The following AQP9 variants were observed in gnomAD, a reference collection of about 807,000 sequenced individuals.
AQP9 encodes aquaporin-9.
Under a neutral mutation model 23.8 loss-of-function variants are expected in AQP9, and 19 were observed. The ratio of observed to expected loss-of-function variants is 0.80; its 90% CI spans 0.56 to 1.17. AQP9 has a LOEUF of 1.17. Ranked by LOEUF, AQP9 falls within the 50% of genes most tolerant of loss-of-function variation. AQP9 has a pLI of 0.00. For synonymous variants in AQP9, 153 were observed against 131.5 expected (o/e 1.16, Z -1.12); for missense variants, 413 against 362.0 (o/e 1.14, Z -1.14).
intron 1 of AQP9, among the ~76,000 whole-genome samples, chr15:58,161,074 T>G (rs1215219127): frequency 1.3e-5 from 2 of 152,102 alleles, no homozygotes; most frequent in African/African-American, 4.8e-5. Context: ...GGCTGACATT[T>G]CCTGAGCAAT....
At chr15:58,177,233 A>G (rs1898778454) in intron 4 of AQP9, among the ~76,000 whole-genome samples, 1 of 152,208 alleles carries the variant, frequency 6.6e-6, no homozygotes, top group African/African-American at 2.4e-5. Flanking sequence ...TTTAGTTAAT[A>G]ATCAATCATT....
At chr15:58,146,297 T>C (rs958962150) in intron 1 of AQP9, among the ~76,000 whole-genome samples, 7 of 152,156 alleles carry the variant, frequency 4.6e-5, no homozygotes, top group Non-Finnish European at 7.4e-5. Flanking sequence ...TCTTCTCTTA[T>C]TCTCTTAATC....
At chr15:58,155,314 C>T (rs1898227207) in intron 1 of AQP9, 1 of 152,128 alleles carries the variant, frequency 6.6e-6, no homozygotes, top group Admixed American at 6.5e-5. Flanking sequence ...TGGTATTATC[C>T]TGCTACTCAC....
At chr15:58,142,937 G>C (rs865986164) in intron 1 of AQP9, among the ~76,000 whole-genome samples, 12 of 152,230 alleles carry the variant, frequency 7.9e-5, no homozygotes, top group Middle Eastern at 3.4e-3. Flanking sequence ...CTGCCTGTGG[G>C]TGGTTTGTCT....
At chr15:58,141,644 C>T (rs879534043) in intron 1 of AQP9, among the ~76,000 whole-genome samples, 2 of 152,162 alleles carry the variant, frequency 1.3e-5, no homozygotes, top group Admixed American at 1.3e-4. Flanking sequence ...TGAGAAATTT[C>T]AGACACTGCA....
At chr15:58,150,352 T>C (rs1267294692) in intron 1 of AQP9, 1 of 152,668 alleles carries the variant, frequency 6.6e-6, no homozygotes, top group African/African-American at 2.4e-5. Flanking sequence ...CTATCTCTGA[T>C]GGAATTTATG....
In AQP9 at chr15:58,166,758, T is replaced by C; in HGVS notation, c.197T>C (p.Met66Thr). ...GVITINVGFS[M>T]AVAMAIYVAG... ...ATCACTATCAATGTTGGATTTTCAA[T>C]GGCAGTTGCAATGGCCATTTATGTG... Residue 66 changes from methionine (M) to threonine (T), a missense_variant, in exon 2 of 6, where the codon ATG (methionine) becomes ACG (threonine). By Grantham distance (81) the Met-to-Thr change is moderately conservative. Transcript: ENST00000219919. 3.1e-6 allele frequency: 5 copies of C among 1,614,040 alleles called. No individual in the cohort carries two copies. Among genetic ancestry groups the C allele is most frequent in the Non-Finnish European group, 4.2e-6 (5 of 1,179,890 alleles).
In AQP9 at chr15:58,179,309, T is replaced by A. The variant is rs374702384; in HGVS notation, c.677T>A (p.Phe226Tyr). The change falls in exon 5 of 6, where the codon TTC becomes TAC. Residue 226 changes from phenylalanine (F) to tyrosine (Y), a missense_variant. Coordinates refer to ENST00000219919, the MANE Select transcript of AQP9 (RefSeq NM_020980.5). ...NPARDLSPRLFTALAGWGFEV... is the reference protein window; with the variant it reads ...NPARDLSPRLYTALAGWGFEV... ...GCTCGAGACCTGAGTCCCAGACTTT[T>A]CACTGCCTTGGCAGGCTGGGGGTTT... 1.2e-6 allele frequency: 2 copies of A among 1,614,010 alleles called. No individual in the cohort carries two copies. The highest frequency in any genetic ancestry group is 2.2e-5 in the South Asian group (2 of 91,060).
chr15:58,182,513 G>T (rs1262508017), intron 5 of AQP9, among the ~76,000 whole-genome samples: 1 of 152,164 alleles, frequency 6.6e-6, no homozygotes, highest in Non-Finnish European at 1.5e-5. Context: ...TAAATGACAG[G>T]AAGAAATTTG....
Position 58,173,172 on chromosome 15 carries a change from G to T in AQP9, c.343G>T (p.Val115Leu), listed in dbSNP as rs1898661425. Residue 115 changes from valine (V) to leucine (L), a missense_variant, in exon 3 of 6, where the codon GTG becomes TTG. Physicochemically the swap from Val to Leu is conservative, Grantham distance 32. Transcript: ENST00000219919. Reference sequence around the variant, plus strand: ...GGGAGCCCAGTTCTTGGGAGCCTTTGTGGGGGCTGCAACCGTCTTTGGCAT... The same window carrying T: ...GGGAGCCCAGTTCTTGGGAGCCTTTTTGGGGGCTGCAACCGTCTTTGGCAT... ...YVGAQFLGAF[V>L]GAATVFGIYY... 1.2e-6 allele frequency: 2 copies of T among 1,614,160 alleles called. No individual in the cohort carries two copies. The highest frequency in any genetic ancestry group is 1.7e-6 in the Non-Finnish European group (2 of 1,180,028).
At chr15:58,142,615 A>G (rs1305730620) in intron 1 of AQP9, among the ~76,000 whole-genome samples, 1 of 152,152 alleles carries the variant, frequency 6.6e-6, no homozygotes, top group African/African-American at 2.4e-5. Flanking sequence ...CAAGCATTGC[A>G]CTGTGTTTTT....
chr15:58,178,623 A>G (rs1595746501), intron 4 of AQP9, among the ~76,000 whole-genome samples: 1 of 152,198 alleles, frequency 6.6e-6, no homozygotes, highest in East Asian at 1.9e-4. Context: ...GTTTGGATTT[A>G]TTTTATTACT....
chr15:58,160,030 G>A lies in AQP9; in HGVS notation c.112-6643G>A, dbSNP rs112870814. On this transcript the variant is annotated intron_variant, in intron 1 of 5. Transcript: ENST00000219919. The stretch of plus-strand genomic sequence containing the variant: ...TTCTTTTGGATACATGCCCAGTATT[G>A]AAACTGCTGAATCGTATGGCAGTCC... Among the ~76,000 whole-genome samples the A allele has an allele frequency of 7.8e-3, 1,187 of 152,256 alleles. 19 individuals are homozygous for A. Among genetic ancestry groups the A allele is most frequent in the African/African-American group, 0.028 (1,145 of 41,560 alleles).
At chr15:58,176,412 G>T (rs1898754975) in intron 4 of AQP9, among the ~76,000 whole-genome samples, 1 of 151,956 alleles carries the variant, frequency 6.6e-6, no homozygotes, top group Admixed American at 6.6e-5. Flanking sequence ...CAGCAACTTG[G>T]GAGGCTGAGG....
chr15:58,142,330 C>T (rs1192656339), intron 1 of AQP9, among the ~76,000 whole-genome samples: 1 of 152,234 alleles, frequency 6.6e-6, no homozygotes, highest in African/African-American at 2.4e-5. Context: ...GGTATCTTGA[C>T]TCCAGTCATT....
At chr15:58,144,586 A>G (rs1241831845) in intron 1 of AQP9, among the ~76,000 whole-genome samples, 1 of 152,196 alleles carries the variant, frequency 6.6e-6, no homozygotes, top group Non-Finnish European at 1.5e-5. Context: ...GACTCATGAA[A>G]TGAATCAAAA....
chr15:58,164,765 CAGAGA>C (rs1470833383), intron 1 of AQP9, among the ~76,000 whole-genome samples: 1 of 152,108 alleles, frequency 6.6e-6, no homozygotes, highest in Non-Finnish European at 1.5e-5. Context: ...TCTCTGCTGT[CAGAGA>C]AATCATTCTA....
chr15:58,157,863 C>A (rs1172207379), intron 1 of AQP9, among the ~76,000 whole-genome samples: 1 of 152,136 alleles, frequency 6.6e-6, no homozygotes, highest in African/African-American at 2.4e-5. Context: ...TCAGTCATCT[C>A]TGAGAAAGGA....
intron 2 of AQP9, among the ~76,000 whole-genome samples, chr15:58,170,036 G>T (rs975831239): frequency 3.3e-5 from 5 of 152,092 alleles, no homozygotes; most frequent in Non-Finnish European, 5.9e-5. Flanking sequence ...TGTGCCCGCG[G>T]GCCCTTTATG....
Sources: allele counts gnomAD v4.1 joint callset (sites outside exome capture counted in the v4.1 genomes callset), GRCh38; gene constraint gnomAD v4.1.1; transcripts MANE v1.5; gene names NCBI Gene and HGNC (gene_info 2026-07-23, HGNC 2026-07-21).